Variants in CHN2 observed in about 807,000 individuals in gnomAD.
CHN2 encodes chimerin 2.
In CHN2, 35 loss-of-function variants were observed where a neutral mutation model predicts 56.3. The observed-to-expected ratio is 0.62, with a 90% CI of 0.47 to 0.82. The LOEUF (loss-of-function observed/expected upper bound fraction) is 0.82. Ranked by LOEUF, CHN2 falls within the 40% of genes least tolerant of loss-of-function variation. CHN2 has a pLI of 0.00. For synonymous variants in CHN2, 210 were observed against 212.8 expected (o/e 0.99, Z 0.12); for missense variants, 491 against 580.5 (o/e 0.85, Z 1.58).
chr7:29,162,818 G>A (rs925400077), intron 2 of CHN2, among the ~76,000 whole-genome samples: 3 of 152,324 alleles, frequency 2.0e-5, no homozygotes, highest in Middle Eastern at 3.4e-3. Flanking sequence ...GGGAAGAGGA[G>A]GGAGAGCCTA....
At chr7:29,275,343 T>C (rs2158410) in intron 1 of CHN2, among the ~76,000 whole-genome samples, 67,321 of 151,996 alleles carry the variant, frequency 0.44, 15,288 homozygotes, top group African/African-American at 0.53. Flanking sequence ...AGTTAGAGAA[T>C]ATATGGTCAA....
intron 1 of CHN2, among the ~76,000 whole-genome samples, chr7:29,221,870 A>G (rs905121294): frequency 6.6e-6 from 1 of 152,170 alleles, no homozygotes; most frequent in Admixed American, 6.5e-5. Context: ...ATTGATGGGC[A>G]TTTGGGTTGA....
At chr7:29,308,128 A>G (rs1794310094) in intron 1 of CHN2, among the ~76,000 whole-genome samples, 1 of 152,104 alleles carries the variant, frequency 6.6e-6, no homozygotes, top group Non-Finnish European at 1.5e-5. Context: ...CCAAACTCTA[A>G]TTGTTGTCTA....
intron 6 of CHN2, among the ~76,000 whole-genome samples, chr7:29,415,815 T>C (rs116485630): frequency 0.014 from 2,204 of 152,328 alleles, 65 homozygotes; most frequent in African/African-American, 0.05. Flanking sequence ...TGCAGTAACA[T>C]TGAGGCATCT....
intron 6 of CHN2, among the ~76,000 whole-genome samples, chr7:29,458,546 T>G (rs1784934343): frequency 6.6e-6 from 1 of 152,154 alleles, no homozygotes; most frequent in Admixed American, 6.5e-5. Flanking sequence ...AGGGCAAATG[T>G]ATTCCCGGTG....
At chr7:29,365,555 A>T (rs909359681) in intron 2 of CHN2, among the ~76,000 whole-genome samples, 5 of 152,218 alleles carry the variant, frequency 3.3e-5, no homozygotes, top group Admixed American at 3.3e-4. Context: ...TGAACTAAGG[A>T]CATGATGATA....
chr7:29,300,173 G>A (rs1217406137), intron 1 of CHN2, among the ~76,000 whole-genome samples: 4 of 152,186 alleles, frequency 2.6e-5, no homozygotes, highest in East Asian at 1.9e-4. Flanking sequence ...ATTATGGAAC[G>A]TCTTACATGT....
At chr7:29,354,543 CTG>C in intron 1 of CHN2, 80 bp from the exon 2 acceptor site, 2 of 1,246,060 alleles carry the variant, frequency 1.6e-6, no homozygotes, top group Admixed American at 3.5e-5. Flanking sequence ...TGTGGACAGA[CTG>C]TTGTTCCTCC....
At position 29,495,819 on chromosome 7, in the gene CHN2, G is replaced by C; in HGVS notation, c.655-133G>C. 5 of 696,078 alleles carry C rather than the reference G, an allele frequency of 7.2e-6. No individual in the cohort carries two copies. In the Admixed American group the frequency reaches 1.3e-4, roughly 19 times the overall value. 43.1% of individuals were successfully genotyped at this position (696,078 alleles called of 1,614,324 possible). The stretch of plus-strand genomic sequence containing the variant: ...GCACATCTCTGTTTTCTCAGGATCT[G>C]TTTGCAACTGCTTTACTGGAAGGAA... On this transcript the variant is annotated intron_variant, in intron 7 of 12. Coordinates refer to ENST00000222792, the MANE Select transcript of CHN2 (RefSeq NM_004067.4).
intron 1 of CHN2, among the ~76,000 whole-genome samples, chr7:29,342,584 A>G (rs778492720): frequency 8.5e-5 from 13 of 152,342 alleles, no homozygotes; most frequent in East Asian, 3.9e-4. Context: ...ATATATCATT[A>G]TAGTAGGAGA....
intron 2 of CHN2, among the ~76,000 whole-genome samples, chr7:29,355,932 G>A (rs948557920): frequency 1.1e-4 from 17 of 151,492 alleles, no homozygotes; most frequent in African/African-American, 3.9e-4. Context: ...TGTTAAAGGC[G>A]CCATCACACC....
At chr7:29,319,711 A>G (rs893966008) in intron 1 of CHN2, among the ~76,000 whole-genome samples, 49 of 152,210 alleles carry the variant, frequency 3.2e-4, no homozygotes, top group African/African-American at 1.2e-3. Context: ...TATTTCCAGC[A>G]TTTCTCTTCA....
chr7:29,415,475 GA>G (rs1803641366), intron 6 of CHN2, among the ~76,000 whole-genome samples: 1 of 151,850 alleles, frequency 6.6e-6, no homozygotes, highest in South Asian at 2.1e-4. Flanking sequence ...CCTATAGCCA[GA>G]AGAGCCCGAA....
chr7:29,266,854 C>T (rs965277428), intron 1 of CHN2, among the ~76,000 whole-genome samples: 19 of 152,248 alleles, frequency 1.2e-4, no homozygotes, highest in African/African-American at 4.6e-4. Context: ...GAAGCCTCCA[C>T]CTCTTCTAGT....
chr7:29,425,395 G>C (rs1378745995), intron 6 of CHN2, among the ~76,000 whole-genome samples: 3 of 152,338 alleles, frequency 2.0e-5, no homozygotes, highest in Admixed American at 6.5e-5. Flanking sequence ...AGAGGACATG[G>C]AGCATGATTG....
intron 1 of CHN2, among the ~76,000 whole-genome samples, chr7:29,273,395 AC>A (rs1790912763): frequency 1.6e-5 from 2 of 121,586 alleles, no homozygotes; most frequent in South Asian, 5.3e-4. Context: ...ATATACACAC[AC>A]CACATTTTCT....
chr7:29,444,577 G>T (rs1280822410), intron 6 of CHN2, among the ~76,000 whole-genome samples: 1 of 152,230 alleles, frequency 6.6e-6, no homozygotes, highest in South Asian at 2.1e-4. Flanking sequence ...TCCAGCAGCA[G>T]TTCAACTTCT....
At chr7:29,365,293 CA>C (rs1295012411) in intron 2 of CHN2, among the ~76,000 whole-genome samples, 2 of 152,130 alleles carry the variant, frequency 1.3e-5, no homozygotes, top group African/African-American at 4.8e-5. Context: ...TATTTATATC[CA>C]TAGCACCTCA....
At chr7:29,359,323 TTTAG>T (rs1348342325) in intron 2 of CHN2, among the ~76,000 whole-genome samples, 4 of 152,140 alleles carry the variant, frequency 2.6e-5, no homozygotes, top group Non-Finnish European at 5.9e-5. Flanking sequence ...GGCTAAGAAA[TTTAG>T]AAGGGTAAGA....
Sources: gnomAD v4.1 joint callset for allele counts (sites outside exome capture counted in the v4.1 genomes callset) on GRCh38, gnomAD v4.1.1 for gene constraint, MANE v1.5 for transcripts, NCBI Gene and HGNC (gene_info 2026-07-23, HGNC 2026-07-21) for gene names.